PLEKHA8: variants seen among roughly 807,000 people sequenced by gnomAD.
PLEKHA8 encodes pleckstrin homology domain containing A8, also known as pleckstrin homology domain-containing family A member 8.
A neutral mutation model predicts 68.2 loss-of-function variants in PLEKHA8; 36 were observed. The ratio of observed to expected loss-of-function variants is 0.53; its 90% CI spans 0.40 to 0.70. The LOEUF (loss-of-function observed/expected upper bound fraction) is 0.70. Ranked by LOEUF, PLEKHA8 falls within the 30% of genes least tolerant of loss-of-function variation. PLEKHA8 has a pLI of 0.00. For missense variants in PLEKHA8, 505 were observed against 615.4 expected (o/e 0.82, Z 1.90); for synonymous variants, 211 against 216.1 (o/e 0.98, Z 0.20).
At chr7:30,096,919 C>T (rs1583465134) in intron 13 of PLEKHA8, among the ~76,000 whole-genome samples, 1 of 152,144 alleles carries the variant, frequency 6.6e-6, no homozygotes, top group South Asian at 2.1e-4. Context: ...TCTTCCTAGC[C>T]TTAATGGTCT....
Position 30,106,055 on chromosome 7 carries a change from CT to C in PLEKHA8, c.1363-23196del, listed in dbSNP as rs796485725. On this transcript the variant is annotated intron_variant, in intron 13 of 13. Coordinates refer to the PLEKHA8 transcript ENST00000396257. ...TTTTTCACCTTTAAGTCTTTAACATCTTTTTTTTTTTTTTTCTTTTTGAGGT... is the reference window on the plus strand; with the variant it reads ...TTTTTCACCTTTAAGTCTTTAACATCTTTTTTTTTTTTTTCTTTTTGAGGT... 4.0e-3 allele frequency among the ~76,000 whole-genome samples: 561 copies of C among 140,374 alleles called. 1 individual carries two copies. The highest frequency in any genetic ancestry group is 8.0e-3 in the African/African-American group (307 of 38,552). 92.1% of individuals were successfully genotyped at this position (140,374 alleles called of 152,430 possible). A position where few individuals can be genotyped will look rare whatever the true frequency, so the allele number is the denominator to read the frequency against.
intron 4 of PLEKHA8, among the ~76,000 whole-genome samples, chr7:30,048,370 GA>G (rs1352271739): frequency 1.3e-5 from 2 of 152,112 alleles, no homozygotes; most frequent in African/African-American, 4.8e-5. Flanking sequence ...TGGCTATTAA[GA>G]TGCCAACTTA....
intron 1 of PLEKHA8, among the ~76,000 whole-genome samples, chr7:30,031,358 G>C (rs1790646429): frequency 1.3e-5 from 2 of 152,186 alleles, no homozygotes; most frequent in Admixed American, 1.3e-4. Context: ...GAGTCTGAAG[G>C]ATAAATCAAG....
chr7:30,115,179 A>G lies in PLEKHA8; in HGVS notation c.1363-14087A>G, dbSNP rs375246133. 3.3e-5 allele frequency among the ~76,000 whole-genome samples: 5 copies of G among 152,270 alleles called. No homozygotes were observed. The East Asian group carries it at 9.7e-4, about 29-fold the overall frequency. ...AAAATAATTTTTGCTGTATTTTGTC[A>G]AGCATTTTAAGGCAGTATGGCAGGA... On this transcript the variant is annotated intron_variant, in intron 13 of 13. Coordinates refer to the PLEKHA8 transcript ENST00000396257.
At chr7:30,093,451 C>T (rs953548637), downstream of PLEKHA8, among the ~76,000 whole-genome samples, 3 of 152,176 alleles carry the variant, frequency 2.0e-5, no homozygotes, top group Non-Finnish European at 2.9e-5. Flanking sequence ...TCTAAGCCCA[C>T]AGCCTTACCA....
At chr7:30,089,512 A>G (rs1795322078), downstream of PLEKHA8, among the ~76,000 whole-genome samples, 1 of 152,210 alleles carries the variant, frequency 6.6e-6, no homozygotes, top group African/African-American at 2.4e-5. Flanking sequence ...GGGAAGCGAA[A>G]TAGATGCCAA....
rs539561610 is a variant in PLEKHA8 at position 30,079,416 on chromosome 7, T to C, written c.*629T>C. 3 of 985,600 alleles carry C rather than the reference T, an allele frequency of 3.0e-6. No homozygotes were observed. The highest frequency in any genetic ancestry group is 6.1e-5 in the Admixed American group (1 of 16,274). The allele number at this position is 985,600 out of a possible 1,614,324, so 61.1% of individuals were successfully genotyped here. ...GCTGACAGGCATGAAACCGTTGCTCTGAGAAGATTAATGGTGTGCCCTAGC... is the reference window on the plus strand; with the variant it reads ...GCTGACAGGCATGAAACCGTTGCTCCGAGAAGATTAATGGTGTGCCCTAGC... On this transcript the variant is annotated 3_prime_UTR_variant, in exon 14 of 14. Coordinates refer to ENST00000449726, the MANE Select transcript of PLEKHA8 (RefSeq NM_001197026.2).
Position 30,062,749 on chromosome 7 carries a change from GTTC to G in PLEKHA8, c.1300+10_1300+12del. 1 of 1,607,028 alleles carries G rather than the reference GTTC, an allele frequency of 6.2e-7. No homozygotes were observed. The highest frequency in any genetic ancestry group is 8.5e-7 in the Non-Finnish European group (1 of 1,173,932). On this transcript the variant is annotated splice_region_variant and intron_variant, in intron 12 of 13. Transcript: ENST00000449726. ...GATATCCAGACAGCCCTAAGTAAGT[GTTC>G]TTTATGTTTTGTTGAATGAGTCAAT...
At chr7:30,109,329 CA>C (rs1458050153) in intron 13 of PLEKHA8, among the ~76,000 whole-genome samples, 1 of 152,102 alleles carries the variant, frequency 6.6e-6, no homozygotes, top group Non-Finnish European at 1.5e-5. Context: ...TGGTGGCTCA[CA>C]CCTGTAATCC....
intron 13 of PLEKHA8, among the ~76,000 whole-genome samples, chr7:30,107,873 A>C (rs1796120320): frequency 6.6e-6 from 1 of 152,120 alleles, no homozygotes; most frequent in Non-Finnish European, 1.5e-5. Context: ...GTTCAAGACC[A>C]GCCTGACCAA....
At chr7:30,071,965 CCTTT>C (rs1215328719) in intron 12 of PLEKHA8, 10 of 152,242 alleles carry the variant, frequency 6.6e-5, no homozygotes, top group African/African-American at 2.4e-4. Context: ...ATCAGCAACC[CCTTT>C]CTTCACATTT....
intron 13 of PLEKHA8, among the ~76,000 whole-genome samples, chr7:30,126,897 G>A (rs1796782155): frequency 6.6e-6 from 1 of 152,168 alleles, no homozygotes; most frequent in African/African-American, 2.4e-5. Flanking sequence ...CAACATGTGG[G>A]AATTATGGGA....
At chr7:30,073,888 G>A (rs772482931) in intron 12 of PLEKHA8, among the ~76,000 whole-genome samples, 183 bp from the exon 13 acceptor site, 7 of 151,914 alleles carry the variant, frequency 4.6e-5, no homozygotes, top group South Asian at 2.1e-4. Flanking sequence ...TACTCGTGGA[G>A]CTGAGGCAGG....
At position 30,049,911 on chromosome 7, in the gene PLEKHA8, T is replaced by C. The variant is rs548890781; in HGVS notation, c.598-523T>C. 2.0e-5 allele frequency among the ~76,000 whole-genome samples: 3 copies of C among 152,352 alleles called. No individual in the cohort carries two copies. In the East Asian group the frequency reaches 5.8e-4, roughly 29 times the overall value. On this transcript the variant is annotated intron_variant, in intron 5 of 13. Transcript: ENST00000449726. The stretch of plus-strand genomic sequence containing the variant: ...GCCAGGAATGCTCTTCACCTCTCTT[T>C]CCTGGATTAGCTCATACACATCCTC...
intron 13 of PLEKHA8, chr7:30,118,132 GC>G: frequency 9.8e-7 from 1 of 1,017,014 alleles, no homozygotes; most frequent in Non-Finnish European, 1.3e-6. Flanking sequence ...CCTCTCCTGG[GC>G]CAGGATGCCC....
chr7:30,112,382 T>TA (rs573710434), intron 13 of PLEKHA8, among the ~76,000 whole-genome samples: 502 of 141,576 alleles, frequency 3.5e-3, no homozygotes, highest in Middle Eastern at 7.0e-3. Flanking sequence ...GATAACTCCT[T>TA]AAAAAAAAAA....
intron 8 of PLEKHA8, 74 bp from the exon 9 acceptor site, chr7:30,055,183 G>A: frequency 7.4e-7 from 1 of 1,344,684 alleles, no homozygotes; most frequent in Non-Finnish European, 1.1e-6. Flanking sequence ...CTGTGTCTAT[G>A]ACTTACCTCT....
intron 1 of PLEKHA8, among the ~76,000 whole-genome samples, chr7:30,039,600 A>G: frequency 6.6e-6 from 1 of 152,212 alleles, no homozygotes; most frequent in Non-Finnish European, 1.5e-5. Flanking sequence ...TTTGTTTTCT[A>G]ACTTTCATTT....
At chr7:30,043,783 AAACGTAAT>A (rs2127969671) in intron 1 of PLEKHA8, among the ~76,000 whole-genome samples, 1 of 152,216 alleles carries the variant, frequency 6.6e-6, no homozygotes, top group South Asian at 2.1e-4. Context: ...CCTCCTATTA[AAACGTAAT>A]AAAGTGATAC....
Sources: gnomAD v4.1 joint callset for allele counts (sites outside exome capture counted in the v4.1 genomes callset) on GRCh38, gnomAD v4.1.1 for gene constraint, MANE v1.5 for transcripts, NCBI Gene and HGNC (gene_info 2026-07-23, HGNC 2026-07-21) for gene names.